Variants in NRXN1 observed in about 807,000 individuals in gnomAD.
NRXN1 encodes the protein neurexin 1.
In NRXN1, 39 loss-of-function variants were observed where a neutral mutation model predicts 150.9. The observed-to-expected ratio is 0.26, with a 90% CI of 0.20 to 0.34. The LOEUF is 0.34. Ranked by LOEUF, NRXN1 falls within the 10% of genes least tolerant of loss-of-function variation. NRXN1 has a pLI of 1.00. For synonymous variants in NRXN1, 924 were observed against 757.0 expected (o/e 1.22, Z -3.62); for missense variants, 1,815 against 1,949.9 (o/e 0.93, Z 1.30).
chr2:50,929,694 G>A (rs1687452595), intron 2 of NRXN1, among the ~76,000 whole-genome samples: 1 of 152,068 alleles, frequency 6.6e-6, no homozygotes. Context: ...CCTCCATACA[G>A]GGAGTGTGCT....
intron 18 of NRXN1, among the ~76,000 whole-genome samples, chr2:50,169,240 A>G (rs976414283): frequency 6.6e-6 from 1 of 152,194 alleles, no homozygotes; most frequent in Admixed American, 6.6e-5. Context: ...AGTATTCAAA[A>G]GTAGGTAATT....
intron 2 of NRXN1, among the ~76,000 whole-genome samples, chr2:50,955,866 C>T (rs1008634730): frequency 4.6e-5 from 7 of 152,126 alleles, no homozygotes; most frequent in Admixed American, 2.0e-4. Context: ...ATAAATTATA[C>T]AGCCTCTCCA....
chr2:50,700,295 T>G (rs535671569), intron 5 of NRXN1, among the ~76,000 whole-genome samples: 1 of 152,316 alleles, frequency 6.6e-6, no homozygotes, highest in South Asian at 2.1e-4. Flanking sequence ...GAGTTCCATG[T>G]AATTTAGTTG....
At position 50,497,410 on chromosome 2, in the gene NRXN1, C is replaced by T. The variant is rs758448224; in HGVS notation, c.2802G>A (p.Lys934=). The change falls in exon 14 of 23, where the codon AAG becomes AAA. Residue 934 remains lysine (K), a synonymous_variant. Coordinates refer to ENST00000401669, the MANE Select transcript of NRXN1 (RefSeq NM_001330078.2). The part of the protein sequence containing the change: ...YTSMHLFFQF[K]TTSLDGLILY... ...GAATTAATCCATCTAGGGATGTTGT[C>T]TTGAACTGGAAAAAAAGATGCATAG... 1.2e-6 allele frequency: 2 copies of T among 1,606,632 alleles called. No homozygotes were observed. Among genetic ancestry groups the T allele is most frequent in the Non-Finnish European group, 1.7e-6 (2 of 1,176,048 alleles).
chr2:50,300,160 G>T (rs904606835), intron 17 of NRXN1, among the ~76,000 whole-genome samples: 1 of 152,144 alleles, frequency 6.6e-6, no homozygotes, highest in African/African-American at 2.4e-5. Flanking sequence ...AGAGCAACCA[G>T]GAAAAGGTAA....
intron 17 of NRXN1, among the ~76,000 whole-genome samples, chr2:50,272,447 C>A (rs904503386): frequency 2.6e-5 from 4 of 152,128 alleles, no homozygotes; most frequent in Admixed American, 1.3e-4. Flanking sequence ...CATTGAACAA[C>A]TGGAGGTAGA....
chr2:50,605,297 C>A (rs181225973), intron 8 of NRXN1, among the ~76,000 whole-genome samples: 1 of 151,940 alleles, frequency 6.6e-6, no homozygotes, highest in African/African-American at 2.4e-5. Context: ...GGAATCTGGC[C>A]GAGGCAATGT....
chr2:50,757,004 T>C (rs1443695961), intron 5 of NRXN1, among the ~76,000 whole-genome samples: 2 of 151,850 alleles, frequency 1.3e-5, no homozygotes, highest in African/African-American at 4.8e-5. Context: ...AGAAGCATGG[T>C]ATACTAATGT....
rs1298445857 is a variant in NRXN1, at chr2:51,028,239, A to C, written c.35T>G (p.Phe12Cys). 5.4e-6 allele frequency: 8 copies of C among 1,469,816 alleles called. No individual in the cohort carries two copies. The highest frequency in any genetic ancestry group is 1.4e-5 in the African/African-American group (1 of 70,818). The allele number at this position is 1,469,816 out of a possible 1,614,324, so 91.0% of individuals were successfully genotyped here. ...GAGCAGCAGCGAGAGGCACAGAAGA[A>C]AACAGCCCCCGCGCTGGAGCAGCGC... ...GTALLQRGGCFLLCLSLLLLG... is the reference protein window; with the variant it reads ...GTALLQRGGCCLLCLSLLLLG... The change falls in exon 2 of 23, where the codon TTT becomes TGT. Residue 12 changes from phenylalanine to cysteine, a missense_variant. Transcript: ENST00000401669.
At chr2:50,758,784 G>A (rs530345753) in intron 5 of NRXN1, among the ~76,000 whole-genome samples, 2 of 151,962 alleles carry the variant, frequency 1.3e-5, no homozygotes, top group South Asian at 4.1e-4. Context: ...TAACACCTTG[G>A]AGAGCTCTCA....
At chr2:51,016,027 A>G (rs1270824133) in intron 2 of NRXN1, among the ~76,000 whole-genome samples, 1 of 152,134 alleles carries the variant, frequency 6.6e-6, no homozygotes, top group Non-Finnish European at 1.5e-5. Context: ...AAACAGATAT[A>G]TAGACCAATG....
At chr2:50,128,224 G>A (rs540295315) in intron 18 of NRXN1, among the ~76,000 whole-genome samples, 15 of 152,280 alleles carry the variant, frequency 9.9e-5, no homozygotes, top group African/African-American at 3.4e-4. Flanking sequence ...GAAGATATGA[G>A]TTTGTTGGTA....
intron 18 of NRXN1, among the ~76,000 whole-genome samples, chr2:50,178,993 T>C (rs888657935): frequency 9.9e-5 from 15 of 152,260 alleles, no homozygotes; most frequent in African/African-American, 3.6e-4. Context: ...GAACAGTTTA[T>C]ATTTATAATT....
intron 17 of NRXN1, among the ~76,000 whole-genome samples, chr2:50,363,012 T>C (rs2079331726): frequency 6.6e-6 from 1 of 152,158 alleles, no homozygotes; most frequent in Non-Finnish European, 1.5e-5. Flanking sequence ...ATTTAATAAA[T>C]GGTGTTGGGG....
intron 8 of NRXN1, among the ~76,000 whole-genome samples, chr2:50,569,982 C>T (rs1670417523): frequency 6.6e-6 from 1 of 152,160 alleles, no homozygotes; most frequent in Non-Finnish European, 1.5e-5. Context: ...AATACGGATG[C>T]TCTCAAGTAA....
intron 2 of NRXN1, among the ~76,000 whole-genome samples, chr2:51,009,623 T>A (rs930778002): frequency 1.3e-5 from 2 of 151,962 alleles, no homozygotes; most frequent in Admixed American, 1.3e-4. Flanking sequence ...GCAGGAAAGT[T>A]GTGAGTCATT....
At chr2:50,867,083 T>C (rs565562636) in intron 5 of NRXN1, among the ~76,000 whole-genome samples, 9 of 152,110 alleles carry the variant, frequency 5.9e-5, no homozygotes, top group South Asian at 2.1e-4. Flanking sequence ...ACCATGAGCA[T>C]TGAGTTTCAG....
intron 5 of NRXN1, among the ~76,000 whole-genome samples, chr2:50,774,466 T>C (rs921517494): frequency 1.3e-5 from 2 of 152,220 alleles, no homozygotes; most frequent in East Asian, 1.9e-4. Context: ...ACAGTAAAAA[T>C]GCATATATTT....
At chr2:50,179,832 C>T (rs909094477) in intron 18 of NRXN1, among the ~76,000 whole-genome samples, 4 of 152,194 alleles carry the variant, frequency 2.6e-5, no homozygotes, top group Middle Eastern at 3.4e-3. Flanking sequence ...TAACCTAGAG[C>T]TAGACGTCCA....
Sources: gnomAD v4.1 joint callset for allele counts (sites outside exome capture counted in the v4.1 genomes callset) on GRCh38, gnomAD v4.1.1 for gene constraint, MANE v1.5 for transcripts, NCBI Gene and HGNC (gene_info 2026-07-23, HGNC 2026-07-21) for gene names.